ATP8A2: variants seen among roughly 807,000 people sequenced by gnomAD.
ATP8A2 encodes the protein ATPase phospholipid transporting 8A2, also known as phospholipid-transporting ATPase IB.
Under a neutral mutation model 165.6 loss-of-function variants are expected in ATP8A2, and 100 were observed. The ratio of observed to expected loss-of-function variants is 0.60; its 90% CI spans 0.51 to 0.71. The LOEUF (loss-of-function observed/expected upper bound fraction) is 0.71, where lower values mean the gene tolerates loss of function less well. Ranked by LOEUF, ATP8A2 falls within the 30% of genes least tolerant of loss-of-function variation. The pLI, the probability that ATP8A2 is intolerant of heterozygous loss-of-function variation, is 0.00. For missense variants in ATP8A2, 1,227 were observed against 1,479.5 expected, an observed-to-expected ratio of 0.83 and a Z score of 2.80; for synonymous variants, 543 against 548.8, an observed-to-expected ratio of 0.99 and a Z score of 0.15.
chr13:25,505,741 T>C (rs1243812669), intron 2 of ATP8A2, among the ~76,000 whole-genome samples: 4 of 152,250 alleles, frequency 2.6e-5, no homozygotes, highest in Non-Finnish European at 5.9e-5. Flanking sequence ...TTGATGGCTC[T>C]ACATAACTTA....
At chr13:25,421,616 G>C (rs2034301849) in intron 1 of ATP8A2, among the ~76,000 whole-genome samples, 1 of 152,222 alleles carries the variant, frequency 6.6e-6, no homozygotes, top group Non-Finnish European at 1.5e-5. Context: ...TTACAGGGGT[G>C]AAACACCGTG....
chr13:25,998,273 G>A (rs1956558057), intron 35 of ATP8A2, among the ~76,000 whole-genome samples: 1 of 152,178 alleles, frequency 6.6e-6, no homozygotes, highest in Non-Finnish European at 1.5e-5. Context: ...ATCCCAGAAG[G>A]GAGGGGTCCT....
chr13:25,609,563 ATTCAAATATATATATATATTTGGG>A (rs1376836394), intron 24 of ATP8A2, among the ~76,000 whole-genome samples: 1 of 139,292 alleles, frequency 7.2e-6, no homozygotes, highest in Non-Finnish European at 1.6e-5. Context: ...ATATATTTGG[ATTCAAATATATATATATATTTGGG>A]TTCAAATATA....
At chr13:25,461,914 C>T (rs1241896673) in intron 1 of ATP8A2, among the ~76,000 whole-genome samples, 2 of 152,038 alleles carry the variant, frequency 1.3e-5, no homozygotes, top group African/African-American at 4.8e-5. Flanking sequence ...CCATATGTGG[C>T]CACAAAGCCT....
rs201830996 is a variant in ATP8A2, at chr13:26,018,843, TC to T, written c.3470-1041del. Among the ~76,000 whole-genome samples, 1,002 of 152,292 alleles carry T rather than the reference TC, an allele frequency of 6.6e-3. 4 individuals are homozygous for T. Among genetic ancestry groups the T allele is most frequent in the Non-Finnish European group, 0.011 (741 of 68,022 alleles). On this transcript the variant is annotated intron_variant, in intron 36 of 36. Transcript: ENST00000381655. ...CATCTGTGAAGTGGGAGGAGTATAA[TC>T]CCCTATCTCATAGGGTTTCTGGGAG... is the stretch of plus-strand genomic sequence containing the variant.
intron 1 of ATP8A2, among the ~76,000 whole-genome samples, chr13:25,397,891 A>G (rs9553606): frequency 0.011 from 1,663 of 152,302 alleles, 33 homozygotes; most frequent in East Asian, 0.085. Flanking sequence ...TTCCTGATTG[A>G]CAATTGGTTG....
At position 25,925,918 on chromosome 13, in the gene ATP8A2, G is replaced by C. The variant is rs141065659; in HGVS notation, c.3184-35657G>C. On this transcript the variant is annotated intron_variant, in intron 33 of 36. Transcript: ENST00000381655. Reference sequence around the variant, plus strand: ...TTTTTGTATTTTTAGTAGAGACGAGGTTTCTCCATATTGGCCAGGCTGGTC... The same window carrying C: ...TTTTTGTATTTTTAGTAGAGACGAGCTTTCTCCATATTGGCCAGGCTGGTC... 2.0e-3 allele frequency among the ~76,000 whole-genome samples: 310 copies of C among 151,978 alleles called. 1 individual carries two copies. Among genetic ancestry groups the C allele is most frequent in the African/African-American group, 7.3e-3 (301 of 41,458 alleles).
intron 2 of ATP8A2, among the ~76,000 whole-genome samples, chr13:25,487,468 G>A (rs890092143): frequency 1.3e-5 from 2 of 152,150 alleles, no homozygotes; most frequent in Non-Finnish European, 2.9e-5. Flanking sequence ...ATAGTTCATA[G>A]GAATTTTTTG....
chr13:25,558,149 G>A (rs543795464), intron 13 of ATP8A2, among the ~76,000 whole-genome samples: 274 of 152,176 alleles, frequency 1.8e-3, no homozygotes, highest in Non-Finnish European at 3.2e-3. Flanking sequence ...TGATCCACCC[G>A]CCTTGGCCTT....
intron 2 of ATP8A2, among the ~76,000 whole-genome samples, chr13:25,513,023 C>T (rs2037314875): frequency 1.3e-5 from 2 of 149,040 alleles, no homozygotes; most frequent in South Asian, 4.3e-4. Flanking sequence ...CCCCCCCCAC[C>T]TCCCTCCCGG....
chr13:25,452,477 C>T (rs938807279), intron 1 of ATP8A2, among the ~76,000 whole-genome samples: 9 of 151,860 alleles, frequency 5.9e-5, no homozygotes, highest in Non-Finnish European at 1.3e-4. Flanking sequence ...TTGTGTAAGT[C>T]AAATATCAAT....
intron 29 of ATP8A2, 77 bp from the exon 30 acceptor site, chr13:25,839,469 T>A: frequency 1.0e-6 from 1 of 965,176 alleles, no homozygotes; most frequent in Non-Finnish European, 1.7e-6. Flanking sequence ...TCCTTCACAA[T>A]GTGGCGTTTG....
intron 7 of ATP8A2, among the ~76,000 whole-genome samples, chr13:25,538,622 G>T (rs1248408990): frequency 4.6e-5 from 7 of 152,150 alleles, no homozygotes; most frequent in African/African-American, 1.7e-4. Flanking sequence ...TGCAGTTCTT[G>T]ACTTTTTTGG....
At chr13:25,972,952 G>T (rs1767905355) in intron 35 of ATP8A2, among the ~76,000 whole-genome samples, 1 of 152,162 alleles carries the variant, frequency 6.6e-6, no homozygotes, top group Non-Finnish European at 1.5e-5. Context: ...GAATATATTT[G>T]TTGAAAACAT....
chr13:25,510,416 A>C (rs149482725), intron 2 of ATP8A2, among the ~76,000 whole-genome samples: 22 of 152,364 alleles, frequency 1.4e-4, no homozygotes, highest in South Asian at 1.0e-3. Flanking sequence ...GAACTTAATA[A>C]GAGCAAATAC....
At chr13:25,944,951 C>T (rs537771539) in intron 33 of ATP8A2, among the ~76,000 whole-genome samples, 12 of 152,112 alleles carry the variant, frequency 7.9e-5, no homozygotes, top group African/African-American at 2.9e-4. Context: ...TAGTATCTCC[C>T]CTACAAGGGT....
intron 27 of ATP8A2, among the ~76,000 whole-genome samples, chr13:25,776,060 C>T (rs1051121055): frequency 9.9e-5 from 15 of 152,210 alleles, no homozygotes; most frequent in African/African-American, 2.7e-4. Flanking sequence ...CCAAGACAAC[C>T]GGGCCAAAAG....
In ATP8A2 at chr13:25,485,196, G is replaced by T. The variant is rs567577749; in HGVS notation, c.221+16075G>T. 7.0e-4 allele frequency among the ~76,000 whole-genome samples: 107 copies of T among 152,310 alleles called. 1 individual carries two copies. Among genetic ancestry groups the T allele is most frequent in the African/African-American group, 2.5e-3 (103 of 41,568 alleles). Reference sequence around the variant, plus strand: ...TGTTTTGACTGTCAGCTGTCATGCAGTTTCAACACTACACCTATTTCAACA... The same window carrying T: ...TGTTTTGACTGTCAGCTGTCATGCATTTTCAACACTACACCTATTTCAACA... On this transcript the variant is annotated intron_variant, in intron 2 of 36. Coordinates refer to ENST00000381655, the MANE Select transcript of ATP8A2 (RefSeq NM_016529.6).
chr13:25,492,484 CTT>C (rs975092756), intron 2 of ATP8A2, among the ~76,000 whole-genome samples: 1 of 152,142 alleles, frequency 6.6e-6, no homozygotes, highest in African/African-American at 2.4e-5. Context: ...AAAAAATTCT[CTT>C]GGTGTGAAAC....
Sources: allele counts gnomAD v4.1 joint callset (sites outside exome capture counted in the v4.1 genomes callset), GRCh38; gene constraint gnomAD v4.1.1; transcripts MANE v1.5; gene names NCBI Gene and HGNC (gene_info 2026-07-23, HGNC 2026-07-21).